CNTNAP2: variants seen among roughly 807,000 people sequenced by gnomAD.
CNTNAP2 encodes the protein contactin associated protein 2.
Under a neutral mutation model 155.2 loss-of-function variants are expected in CNTNAP2, and 98 were observed. The observed-to-expected ratio is 0.63, with a 90% CI of 0.54 to 0.75. The LOEUF (loss-of-function observed/expected upper bound fraction) is 0.75. Among genes scored for constraint, CNTNAP2 ranks in the 30% least tolerant of loss-of-function variants. The pLI, the probability that CNTNAP2 is intolerant of heterozygous loss-of-function variation, is 0.00. For missense variants in CNTNAP2, 1,727 were observed against 1,688.1 expected, an observed-to-expected ratio of 1.02 and a Z score of -0.40; for synonymous variants, 651 against 631.2, an observed-to-expected ratio of 1.03 and a Z score of -0.47.
At chr7:146,910,311 G>A (rs1796243706) in intron 3 of CNTNAP2, among the ~76,000 whole-genome samples, 1 of 150,002 alleles carries the variant, frequency 6.7e-6, no homozygotes, top group Non-Finnish European at 1.5e-5. Context: ...CTACTTTAAA[G>A]TTCATATGGT....
intron 3 of CNTNAP2, among the ~76,000 whole-genome samples, chr7:146,901,139 A>C (rs984421508): frequency 1.3e-5 from 2 of 152,068 alleles, no homozygotes; most frequent in Admixed American, 6.6e-5. Context: ...AGGCTAAAAA[A>C]CAGAAAAATC....
intron 15 of CNTNAP2, among the ~76,000 whole-genome samples, chr7:148,036,164 A>T (rs1355502871): frequency 6.6e-6 from 1 of 152,236 alleles, no homozygotes; most frequent in Non-Finnish European, 1.5e-5. Flanking sequence ...TTTAGATAAC[A>T]TTCTGGACTT....
chr7:147,192,677 G>A (rs188448904), intron 8 of CNTNAP2, among the ~76,000 whole-genome samples: 177 of 151,984 alleles, frequency 1.2e-3, no homozygotes, highest in Admixed American at 2.3e-3. Flanking sequence ...CTTCTTCCCT[G>A]AACTGTCAAA....
rs1490340099 is a variant in CNTNAP2 at position 148,254,279 on chromosome 7, C to G, written c.3382-12754C>G. ...GGTCGTAGTTTCATTTTACTGAAGG[C>G]CTTATTAAAGCGCCCCCACACAACT... is the stretch of plus-strand genomic sequence containing the variant. On this transcript the variant is annotated intron_variant, in intron 20 of 23. Coordinates refer to ENST00000361727, the MANE Select transcript of CNTNAP2 (RefSeq NM_014141.6). 3.3e-5 allele frequency among the ~76,000 whole-genome samples: 5 copies of G among 152,180 alleles called. No individual in the cohort carries two copies. The South Asian group carries it at 1.0e-3, about 32-fold the overall frequency.
At chr7:147,411,205 G>A (rs911912136) in intron 10 of CNTNAP2, among the ~76,000 whole-genome samples, 3 of 151,986 alleles carry the variant, frequency 2.0e-5, no homozygotes, top group East Asian at 1.9e-4. Flanking sequence ...TTTTCTCCCA[G>A]AATATTAATT....
intron 1 of CNTNAP2, among the ~76,000 whole-genome samples, chr7:146,709,446 G>C (rs762549064): frequency 5.9e-5 from 9 of 152,276 alleles, no homozygotes; most frequent in Non-Finnish European, 1.3e-4. Flanking sequence ...ACTAGATTCA[G>C]AAGTACAAGC....
At chr7:146,821,437 T>A (rs1403883177) in intron 2 of CNTNAP2, among the ~76,000 whole-genome samples, 3 of 152,110 alleles carry the variant, frequency 2.0e-5, no homozygotes, top group Non-Finnish European at 4.4e-5. Context: ...TTAGTTTGGC[T>A]GGATATGAAA....
intron 20 of CNTNAP2, among the ~76,000 whole-genome samples, chr7:148,243,783 C>T (rs1212868678): frequency 8.1e-6 from 1 of 124,202 alleles, no homozygotes; most frequent in Non-Finnish European, 1.7e-5. Context: ...GTAATGTCAA[C>T]TAAAGACAAA....
At chr7:146,823,855 T>C (rs1393738827) in intron 2 of CNTNAP2, among the ~76,000 whole-genome samples, 3 of 152,030 alleles carry the variant, frequency 2.0e-5, no homozygotes, top group Non-Finnish European at 4.4e-5. Context: ...CCGTATTCTA[T>C]AATGTCACAC....
chr7:146,834,213 C>T (rs1334383805), intron 2 of CNTNAP2, among the ~76,000 whole-genome samples: 1 of 152,138 alleles, frequency 6.6e-6, no homozygotes, highest in Non-Finnish European at 1.5e-5. Context: ...TCCATGGCCT[C>T]TCTAAACCAC....
At chr7:147,522,027 G>A (rs1799237400) in intron 11 of CNTNAP2, among the ~76,000 whole-genome samples, 1 of 152,178 alleles carries the variant, frequency 6.6e-6, no homozygotes, top group Admixed American at 6.5e-5. Context: ...TCAAGGTGCT[G>A]GCAGATTCTG....
intron 12 of CNTNAP2, among the ~76,000 whole-genome samples, chr7:147,564,748 A>G (rs931032054): frequency 6.6e-6 from 1 of 152,322 alleles, no homozygotes; most frequent in Non-Finnish European, 1.5e-5. Flanking sequence ...ATCTTCATCA[A>G]TATCTCCCTT....
At position 148,085,694 on chromosome 7, in the gene CNTNAP2, CCCTT is replaced by C. The variant is rs370800555; in HGVS notation, c.2384-32397_2384-32394del. Among the ~76,000 whole-genome samples, 1,397 of 150,984 alleles carry C rather than the reference CCCTT, an allele frequency of 9.3e-3. 7 individuals are homozygous for C. Among genetic ancestry groups the C allele is most frequent in the African/African-American group, 0.021 (873 of 41,104 alleles). ...CTTTCTTCCTTTCTTTTTTCTCTTT[CCCTT>C]CCTTCCTTCCTTCCTTCCTTCCTTC... On this transcript the variant is annotated intron_variant, in intron 15 of 23. Transcript: ENST00000361727.
chr7:146,896,218 A>C (rs1412051579), intron 3 of CNTNAP2, among the ~76,000 whole-genome samples: 2 of 152,160 alleles, frequency 1.3e-5, no homozygotes, highest in South Asian at 2.1e-4. Context: ...TTTTGCTATA[A>C]ATACAACAAT....
At chr7:148,066,355 T>C (rs1262575905) in intron 15 of CNTNAP2, among the ~76,000 whole-genome samples, 1 of 152,228 alleles carries the variant, frequency 6.6e-6, no homozygotes, top group Non-Finnish European at 1.5e-5. Flanking sequence ...GAAGTTTTCC[T>C]CAATTATTTT....
intron 9 of CNTNAP2, among the ~76,000 whole-genome samples, chr7:147,386,222 C>T (rs894866043): frequency 2.6e-5 from 4 of 152,086 alleles, no homozygotes; most frequent in African/African-American, 4.8e-5. Flanking sequence ...GAGGGGCTGC[C>T]GCAAAGTTCT....
chr7:146,988,634 A>G (rs1371727588), intron 3 of CNTNAP2, among the ~76,000 whole-genome samples: 2 of 152,176 alleles, frequency 1.3e-5, no homozygotes, highest in African/African-American at 2.4e-5. Flanking sequence ...TGAGCTGATG[A>G]AATAGTTTAA....
chr7:148,035,164 T>G (rs1802549251), intron 15 of CNTNAP2, among the ~76,000 whole-genome samples: 1 of 152,110 alleles, frequency 6.6e-6, no homozygotes, highest in Non-Finnish European at 1.5e-5. Flanking sequence ...GCAGAAAGAT[T>G]TGGGAAATCT....
chr7:146,980,395 G>T (rs565686636), intron 3 of CNTNAP2, among the ~76,000 whole-genome samples: 2 of 152,288 alleles, frequency 1.3e-5, no homozygotes, highest in Admixed American at 1.3e-4. Flanking sequence ...CCAGTGGAAG[G>T]TTGATTCTCA....
Sources: gnomAD v4.1 joint callset for allele counts (sites outside exome capture counted in the v4.1 genomes callset) on GRCh38, gnomAD v4.1.1 for gene constraint, MANE v1.5 for transcripts, NCBI Gene and HGNC (gene_info 2026-07-23, HGNC 2026-07-21) for gene names.